Variants in SPART observed in about 807,000 individuals in gnomAD.
The protein encoded by SPART is spastic paraplegia 20 (Troyer syndrome).
Under a neutral mutation model 58.7 loss-of-function variants are expected in SPART, and 35 were observed. The ratio of observed to expected loss-of-function variants is 0.60; its 90% confidence interval spans 0.46 to 0.79. The LOEUF is 0.79. Among genes scored for constraint, SPART ranks in the 30% least tolerant of loss-of-function variants. SPART has a pLI of 0.00. For synonymous variants in SPART, 284 were observed against 280.7 expected (o/e 1.01, Z -0.12); for missense variants, 730 against 786.1 (o/e 0.93, Z 0.85).
rs1185100438 is a variant in SPART, at chr13:36,312,222, G to A, written c.1656C>T (p.Val552=). ...AASSVQGFST[V]WQGLECAAKC... ...TAGCTGCACATTCCAATCCTTGCCA[G>A]ACAGTTGAAAATCCTGTAAAAATAA... The change falls in exon 8 of 9, where the codon GTC becomes GTT. Residue 552 remains valine, a synonymous_variant. Transcript: ENST00000438666. 2 of 1,614,098 alleles carry A rather than the reference G, an allele frequency of 1.2e-6. No homozygotes were observed. Among genetic ancestry groups the A allele is most frequent in the South Asian group, 2.2e-5 (2 of 91,084 alleles).
chr13:36,315,880 G>A (rs1343516819), intron 5 of SPART, among the ~76,000 whole-genome samples: 1 of 152,136 alleles, frequency 6.6e-6, no homozygotes, highest in African/African-American at 2.4e-5. Flanking sequence ...AATGATGACT[G>A]AGAAAAATAA....
chr13:36,343,879 T>C (rs1185997314), intron 1 of SPART, among the ~76,000 whole-genome samples: 1 of 151,840 alleles, frequency 6.6e-6, no homozygotes, highest in South Asian at 2.1e-4. Flanking sequence ...AGATTATCTG[T>C]CAAGAAAATT....
intron 5 of SPART, among the ~76,000 whole-genome samples, chr13:36,325,323 C>T (rs1041899186): frequency 2.6e-5 from 4 of 152,154 alleles, no homozygotes; most frequent in African/African-American, 9.7e-5. Context: ...TTTTAACTAT[C>T]GCAACTACAT....
At chr13:36,359,942 A>AAAC (rs3082908) in intron 1 of SPART, among the ~76,000 whole-genome samples, 22 of 150,574 alleles carry the variant, frequency 1.5e-4, no homozygotes, top group Non-Finnish European at 2.4e-4. Context: ...AAAAAAAAAA[A>AAAC]CACCTCTTTG....
chr13:36,320,594 T>A (rs1337781486), intron 5 of SPART, among the ~76,000 whole-genome samples: 2 of 152,082 alleles, frequency 1.3e-5, no homozygotes, highest in Non-Finnish European at 2.9e-5. Flanking sequence ...CTACTACTCC[T>A]CAGGGATTAT....
chr13:36,316,706 G>A lies in SPART; in HGVS notation c.1289-2285C>T, dbSNP rs188738161. 4.8e-3 allele frequency among the ~76,000 whole-genome samples: 728 copies of A among 152,302 alleles called. 7 individuals carry two copies. The highest frequency in any genetic ancestry group is 0.016 in the African/African-American group (680 of 41,572). The stretch of plus-strand genomic sequence containing the variant: ...AGACTCAGCCTGCCTGCACCCAGGT[G>A]AAATAAACAGCCTTGTTGCTCACAC... On this transcript the variant is annotated intron_variant, in intron 5 of 8. Transcript: ENST00000438666.
At chr13:36,324,438 G>A (rs1882712118) in intron 5 of SPART, among the ~76,000 whole-genome samples, 1 of 152,188 alleles carries the variant, frequency 6.6e-6, no homozygotes, top group South Asian at 2.1e-4. Flanking sequence ...CAGCCTAGAT[G>A]CCAGAGGTGT....
intron 2 of SPART, among the ~76,000 whole-genome samples, chr13:36,332,070 T>G (rs767937107): frequency 6.6e-5 from 10 of 152,002 alleles, no homozygotes; most frequent in Non-Finnish European, 1.3e-4. Context: ...TGTCATTTTA[T>G]GTACAAGAAA....
At chr13:36,337,098 A>C (rs7996870) in intron 1 of SPART, among the ~76,000 whole-genome samples, 1 of 152,112 alleles carries the variant, frequency 6.6e-6, no homozygotes, top group Admixed American at 6.5e-5. Context: ...AGTGGTCCCC[A>C]CTTATGTATA....
chr13:36,359,383 G>A (rs568216060), intron 1 of SPART, among the ~76,000 whole-genome samples: 1 of 152,274 alleles, frequency 6.6e-6, no homozygotes, highest in African/African-American at 2.4e-5. Flanking sequence ...CAATTCCCAA[G>A]AGGTAATATA....
At chr13:36,335,931 G>A (rs1799428202) in intron 1 of SPART, 99 bp from the exon 2 acceptor site, 4 of 950,562 alleles carry the variant, frequency 4.2e-6, no homozygotes, top group South Asian at 1.3e-5. Context: ...CAAGTGCCTC[G>A]CTTATCTCTG....
At chr13:36,319,255 C>T (rs1882092134) in intron 5 of SPART, among the ~76,000 whole-genome samples, 1 of 151,618 alleles carries the variant, frequency 6.6e-6, no homozygotes, top group African/African-American at 2.4e-5. Flanking sequence ...TCCTGGACTA[C>T]AGCTGTATCT....
intron 1 of SPART, among the ~76,000 whole-genome samples, chr13:36,341,819 C>T (rs1275373222): frequency 6.6e-6 from 1 of 152,182 alleles, no homozygotes; most frequent in African/African-American, 2.4e-5. Flanking sequence ...ATACCATATA[C>T]AATTGACCAT....
intron 5 of SPART, among the ~76,000 whole-genome samples, chr13:36,319,796 C>G (rs994122662): frequency 6.9e-6 from 1 of 144,670 alleles, no homozygotes; most frequent in African/African-American, 2.5e-5. Context: ...ATTACCTAGG[C>G]TGTACTGCCA....
upstream of SPART, among the ~76,000 whole-genome samples, chr13:36,349,661 C>T (rs530330310): frequency 6.6e-6 from 1 of 152,278 alleles, no homozygotes; most frequent in African/African-American, 2.4e-5. Flanking sequence ...ACTCTTAATA[C>T]TGAATTATGA....
At chr13:36,343,364 A>T (rs1375191709) in intron 1 of SPART, among the ~76,000 whole-genome samples, 6 of 152,198 alleles carry the variant, frequency 3.9e-5, no homozygotes. Flanking sequence ...TTTTTAAAAA[A>T]GGAAGTGTGT....
intron 5 of SPART, among the ~76,000 whole-genome samples, chr13:36,324,794 A>G (rs900822751): frequency 6.6e-6 from 1 of 152,172 alleles, no homozygotes; most frequent in Non-Finnish European, 1.5e-5. Flanking sequence ...GCGAAGGGAG[A>G]TAAGGGTGGG....
At chr13:36,343,967 T>C (rs1884809975) in intron 1 of SPART, among the ~76,000 whole-genome samples, 1 of 151,186 alleles carries the variant, frequency 6.6e-6, no homozygotes, top group Non-Finnish European at 1.5e-5. Flanking sequence ...AGTTCAAGGT[T>C]GCAGTGAGCT....
intron 2 of SPART, among the ~76,000 whole-genome samples, chr13:36,333,175 T>C (rs1399821429): frequency 2.0e-5 from 3 of 152,218 alleles, no homozygotes; most frequent in Admixed American, 1.3e-4. Context: ...TCATCCACCA[T>C]AGGCTGATTT....
Sources: gnomAD v4.1 joint callset for allele counts (sites outside exome capture counted in the v4.1 genomes callset) on GRCh38, gnomAD v4.1.1 for gene constraint, MANE v1.5 for transcripts, NCBI Gene and HGNC (gene_info 2026-07-23, HGNC 2026-07-21) for gene names.